The following CAMKMT variants were observed in gnomAD, a reference collection of about 807,000 sequenced individuals.
The protein encoded by CAMKMT is calmodulin-lysine N-methyltransferase, also known as CaM KMT.
In CAMKMT, 53 loss-of-function variants were observed where a neutral mutation model predicts 48.0. The ratio of observed to expected loss-of-function variants is 1.10; its 90% CI spans 0.89 to 1.39. The LOEUF is 1.39. Ranked by LOEUF, CAMKMT falls within the 40% of genes most tolerant of loss-of-function variation. The pLI is 0.00. For missense variants in CAMKMT, 428 were observed against 402.7 expected (o/e 1.06, Z -0.54); for synonymous variants, 165 against 152.3 (o/e 1.08, Z -0.61).
intron 3 of CAMKMT, chr2:44,631,784 C>A (rs1330999337): frequency 1.1e-5 from 4 of 350,726 alleles, no homozygotes; most frequent in African/African-American, 8.5e-5. Context: ...TTCTTTTTAC[C>A]TCTTTCCTGT....
At chr2:44,480,291 G>T (rs1668900538) in intron 3 of CAMKMT, among the ~76,000 whole-genome samples, 1 of 152,148 alleles carries the variant, frequency 6.6e-6, no homozygotes, top group Non-Finnish European at 1.5e-5. Flanking sequence ...TGTTACTTCA[G>T]TGGGTCACTT....
At chr2:44,406,430 C>G (rs113476464) in intron 3 of CAMKMT, among the ~76,000 whole-genome samples, 24 of 152,072 alleles carry the variant, frequency 1.6e-4, no homozygotes, top group African/African-American at 5.8e-4. Context: ...TAGTTTCAAC[C>G]TACATATTTT....
chr2:44,489,243 A>AT (rs11389463), intron 3 of CAMKMT, among the ~76,000 whole-genome samples: 7,978 of 107,618 alleles, frequency 0.074, 407 homozygotes, highest in South Asian at 0.14. Context: ...ATGGAATACT[A>AT]TTTTTTTTTT....
rs76362155 is a variant in CAMKMT at position 44,365,505 on chromosome 2, T to A, written c.138+3360T>A. On this transcript the variant is annotated intron_variant, in intron 1 of 10. Transcript: ENST00000378494. ...TGTTTTCCTCTTTGTTGAGTCTCAT[T>A]ACATGTTGACGAAGATGGCCACTGG... Among the ~76,000 whole-genome samples, 91 of 152,324 alleles carry A rather than the reference T, an allele frequency of 6.0e-4. 3 individuals carry two copies. In the East Asian group the frequency reaches 0.014, roughly 24 times the overall value.
At chr2:44,706,700 C>T (rs139435213) in intron 5 of CAMKMT, among the ~76,000 whole-genome samples, 50 of 151,324 alleles carry the variant, frequency 3.3e-4, no homozygotes, top group Middle Eastern at 3.4e-3. Context: ...CATGATATAG[C>T]TGCTAATGTT....
intron 7 of CAMKMT, among the ~76,000 whole-genome samples, chr2:44,732,685 T>C (rs2104348398): frequency 6.6e-6 from 1 of 152,354 alleles, no homozygotes; most frequent in Middle Eastern, 3.4e-3. Flanking sequence ...GAATATATTT[T>C]CATGTACTTA....
chr2:44,679,081 C>T (rs1675875720), intron 3 of CAMKMT, among the ~76,000 whole-genome samples: 2 of 152,124 alleles, frequency 1.3e-5, no homozygotes, highest in Non-Finnish European at 2.9e-5. Flanking sequence ...TTGAATAAAC[C>T]ATCCTGGTTT....
rs912691941 is a variant in CAMKMT, at chr2:44,481,681, A to G, written c.376+91376A>G. ...AATTCATATTGCTATTCAACAAAAC[A>G]TTCCCTAATGATAAAGTTGATATTT... On this transcript the variant is annotated intron_variant, in intron 3 of 10. Transcript: ENST00000378494. 3.9e-5 allele frequency among the ~76,000 whole-genome samples: 6 copies of G among 152,120 alleles called. No homozygotes were observed. The South Asian group carries it at 1.2e-3, about 31-fold the overall frequency.
At chr2:44,445,062 T>C (rs887170042) in intron 3 of CAMKMT, among the ~76,000 whole-genome samples, 2 of 152,208 alleles carry the variant, frequency 1.3e-5, no homozygotes, top group African/African-American at 4.8e-5. Flanking sequence ...ATGGCTAGTT[T>C]CTGCCAATTA....
intron 3 of CAMKMT, among the ~76,000 whole-genome samples, chr2:44,619,715 G>A (rs1003020052): frequency 7.2e-5 from 11 of 152,132 alleles, no homozygotes; most frequent in Non-Finnish European, 1.6e-4. Context: ...CAGTGGTTAC[G>A]TCCTTTTTGA....
At chr2:44,484,878 A>G (rs1572626102) in intron 3 of CAMKMT, among the ~76,000 whole-genome samples, 6 of 142,628 alleles carry the variant, frequency 4.2e-5, no homozygotes, top group Admixed American at 4.0e-4. Flanking sequence ...AATCAACAGG[A>G]AAAAAAAGAA....
intron 3 of CAMKMT, among the ~76,000 whole-genome samples, chr2:44,569,882 T>C (rs77278745): frequency 0.031 from 4,731 of 152,330 alleles, 98 homozygotes; most frequent in African/African-American, 0.061. Context: ...ATTTTATTTG[T>C]GTAAGGAGTT....
intron 3 of CAMKMT, among the ~76,000 whole-genome samples, chr2:44,525,262 TA>T (rs1278975219): frequency 7.3e-5 from 11 of 151,502 alleles, no homozygotes; most frequent in East Asian, 1.9e-4. Context: ...ACTAAAGAGA[TA>T]TTTTTTTTTT....
intron 3 of CAMKMT, among the ~76,000 whole-genome samples, chr2:44,655,549 T>C (rs968232136): frequency 6.6e-6 from 1 of 152,218 alleles, no homozygotes; most frequent in African/African-American, 2.4e-5. Context: ...AAGTGACTCA[T>C]TACAGGTGCT....
chr2:44,548,643 G>T (rs1305098177), intron 3 of CAMKMT, among the ~76,000 whole-genome samples: 1 of 152,158 alleles, frequency 6.6e-6, no homozygotes, highest in Non-Finnish European at 1.5e-5. Flanking sequence ...TTTAAATCTG[G>T]GTCTAGAGGT....
chr2:44,578,357 G>A (rs75270893), intron 3 of CAMKMT, among the ~76,000 whole-genome samples: 1 of 152,308 alleles, frequency 6.6e-6, no homozygotes, highest in South Asian at 2.1e-4. Context: ...CATACTAACA[G>A]TGAACATGAT....
At chr2:44,391,281 T>A (rs1681312611) in intron 3 of CAMKMT, among the ~76,000 whole-genome samples, 2 of 152,214 alleles carry the variant, frequency 1.3e-5, no homozygotes, top group South Asian at 4.1e-4. Flanking sequence ...CACTAAGGAA[T>A]CTATAAATGT....
intron 3 of CAMKMT, among the ~76,000 whole-genome samples, chr2:44,446,058 A>C (rs1315017629): frequency 1.3e-5 from 2 of 152,020 alleles, no homozygotes; most frequent in East Asian, 1.9e-4. Flanking sequence ...GCCAAGTATA[A>C]AGGGGTCGCT....
intron 3 of CAMKMT, among the ~76,000 whole-genome samples, chr2:44,492,555 C>T (rs762576208): frequency 1.3e-5 from 2 of 151,988 alleles, no homozygotes; most frequent in Admixed American, 1.3e-4. Context: ...TGCGTTTGCC[C>T]AACTTAACTA....
Sources: gnomAD v4.1 joint callset for allele counts (sites outside exome capture counted in the v4.1 genomes callset) on GRCh38, gnomAD v4.1.1 for gene constraint, MANE v1.5 for transcripts, NCBI Gene and HGNC (gene_info 2026-07-23, HGNC 2026-07-21) for gene names.